Variants in DROSHA observed in about 807,000 individuals in gnomAD.
DROSHA encodes the protein ribonuclease 3.
DROSHA carries 56 observed loss-of-function variants against 181.9 expected under a neutral mutation model. The ratio of observed to expected loss-of-function variants is 0.31; its 90% CI spans 0.25 to 0.38. DROSHA has a LOEUF of 0.38. Ranked by LOEUF, DROSHA falls within the 10% of genes least tolerant of loss-of-function variation. The pLI is 1.00. For synonymous variants in DROSHA, 524 were observed against 591.2 expected (o/e 0.89, Z 1.65); for missense variants, 1,218 against 1,743.5 (o/e 0.70, Z 5.37).
chr5:31,423,232 C>T (rs16901125), intron 28 of DROSHA: 5,173 of 191,290 alleles, frequency 0.027, 133 homozygotes, highest in African/African-American at 0.075. Flanking sequence ...CAAGGAGATT[C>T]GAGCTGAAGA....
intron 8 of DROSHA, among the ~76,000 whole-genome samples, chr5:31,513,231 C>T (rs1332761521): frequency 6.6e-6 from 1 of 152,166 alleles, no homozygotes; most frequent in African/African-American, 2.4e-5. Flanking sequence ...TGTGTAAGGA[C>T]CTGAGGCCTG....
At chr5:31,412,483 T>G (rs1488431125) in intron 30 of DROSHA, among the ~76,000 whole-genome samples, 2 of 152,234 alleles carry the variant, frequency 1.3e-5, no homozygotes, top group Non-Finnish European at 2.9e-5. Flanking sequence ...ACAGAGCTTA[T>G]GAAAATCAAG....
intron 35 of DROSHA, among the ~76,000 whole-genome samples, 187 bp from the exon 36 acceptor site, chr5:31,401,749 T>C (rs1270888160): frequency 1.3e-5 from 2 of 152,136 alleles, no homozygotes; most frequent in African/African-American, 2.4e-5. Flanking sequence ...AAAAACATAA[T>C]GGAAGTCTGG....
In DROSHA at chr5:31,505,448, G is replaced by C. The variant is rs186101568; in HGVS notation, c.1588-813C>G. Reference sequence around the variant, plus strand: ...CAGCATGCATGAGAAAAGGAGAGAAGGCAGAAGGTCCACATCATGCTCTGG... The same window carrying C: ...CAGCATGCATGAGAAAAGGAGAGAACGCAGAAGGTCCACATCATGCTCTGG... On this transcript the variant is annotated intron_variant, in intron 10 of 35. Coordinates refer to ENST00000344624, the MANE Select transcript of DROSHA (RefSeq NM_001382508.1). Among the ~76,000 whole-genome samples, 67 of 152,234 alleles carry C rather than the reference G, an allele frequency of 4.4e-4. 1 individual carries two copies. The highest frequency in any genetic ancestry group is 8.5e-4 in the Non-Finnish European group (58 of 68,010).
intron 27 of DROSHA, among the ~76,000 whole-genome samples, chr5:31,426,561 G>A (rs1248593406): frequency 6.6e-6 from 1 of 152,130 alleles, no homozygotes; most frequent in Admixed American, 6.6e-5. Flanking sequence ...GATGTGTCCT[G>A]AGAATATGAA....
chr5:31,456,081 G>C (rs1747623345), intron 20 of DROSHA, among the ~76,000 whole-genome samples: 1 of 152,172 alleles, frequency 6.6e-6, no homozygotes, highest in Admixed American at 6.5e-5. Flanking sequence ...CAGGCAAACT[G>C]TGAGGAACAT....
At chr5:31,519,079 C>G (rs1739583620) in intron 6 of DROSHA, among the ~76,000 whole-genome samples, 1 of 152,198 alleles carries the variant, frequency 6.6e-6, no homozygotes, top group African/African-American at 2.4e-5. Flanking sequence ...ACAGTGCAAA[C>G]TGGTAAATTT....
rs796676963 is a variant in DROSHA at position 31,419,143 on chromosome 5, C to T, written c.3525+2129G>A. ...GTAAGAGGAAACCCAGGAAAGTGCACCGTGACAGAAGCCAACAAAGCTTGT... is the reference window on the plus strand; with the variant it reads ...GTAAGAGGAAACCCAGGAAAGTGCATCGTGACAGAAGCCAACAAAGCTTGT... On this transcript the variant is annotated intron_variant, in intron 30 of 35. Coordinates refer to ENST00000344624, the MANE Select transcript of DROSHA (RefSeq NM_001382508.1). Among the ~76,000 whole-genome samples, 7 of 152,176 alleles carry T rather than the reference C, an allele frequency of 4.6e-5. No homozygotes were observed. The South Asian group carries it at 1.0e-3, about 23-fold the overall frequency.
At chr5:31,497,260 T>C (rs1181801881) in intron 11 of DROSHA, among the ~76,000 whole-genome samples, 1 of 152,198 alleles carries the variant, frequency 6.6e-6, no homozygotes, top group African/African-American at 2.4e-5. Context: ...GGGGATCATC[T>C]TCTAATTCCC....
At position 31,521,629 on chromosome 5, in the gene DROSHA, T is replaced by C. The variant is rs73747443; in HGVS notation, c.855-414A>G. Among the ~76,000 whole-genome samples the C allele has an allele frequency of 1.2e-3, 188 of 152,270 alleles. 1 individual carries two copies. The highest frequency in any genetic ancestry group is 0.01 in the Middle Eastern group (3 of 294). The stretch of plus-strand genomic sequence containing the variant: ...AATGTAAATTATAAAGCTTTTATAG[T>C]GAAAATTAGGACAAGGTTCTATAAT... On this transcript the variant is annotated intron_variant, in intron 5 of 35. Coordinates refer to ENST00000344624, the MANE Select transcript of DROSHA (RefSeq NM_001382508.1).
chr5:31,457,734 T>A (rs1412167525), intron 20 of DROSHA, among the ~76,000 whole-genome samples: 1 of 151,584 alleles, frequency 6.6e-6, no homozygotes, highest in Non-Finnish European at 1.5e-5. Context: ...TACAAAAAAT[T>A]GAAAAATTAG....
chr5:31,493,179 GA>G, intron 13 of DROSHA, 27 bp downstream of exon 13: 1 of 1,589,418 alleles, frequency 6.3e-7, no homozygotes, highest in Non-Finnish European at 8.6e-7. Flanking sequence ...CAAGGAAAGA[GA>G]AAAGCAGCCA....
chr5:31,507,446 G>A (rs1580336136), intron 10 of DROSHA, among the ~76,000 whole-genome samples: 1 of 133,490 alleles, frequency 7.5e-6, no homozygotes. Flanking sequence ...CAATAAGAGC[G>A]AAACTCTGTC....
At chr5:31,445,075 C>T (rs1428662665) in intron 23 of DROSHA, among the ~76,000 whole-genome samples, 1 of 152,210 alleles carries the variant, frequency 6.6e-6, no homozygotes, top group African/African-American at 2.4e-5. Flanking sequence ...CAACTCTGCC[C>T]ACCTTTAATC....
intron 22 of DROSHA, 45 bp from the exon 23 acceptor site, chr5:31,448,652 G>C (rs771125233): frequency 6.9e-7 from 1 of 1,440,094 alleles, no homozygotes; most frequent in East Asian, 2.3e-5. Flanking sequence ...ACGGATAGAA[G>C]AATTATAGGA....
At chr5:31,450,621 T>G (rs1746864370) in intron 21 of DROSHA, among the ~76,000 whole-genome samples, 1 of 152,074 alleles carries the variant, frequency 6.6e-6, no homozygotes, top group Non-Finnish European at 1.5e-5. Flanking sequence ...AAGTGGAAGC[T>G]AAGCTATGGG....
chr5:31,425,884 T>C (rs1209897316), intron 27 of DROSHA, among the ~76,000 whole-genome samples: 1 of 152,092 alleles, frequency 6.6e-6, no homozygotes, highest in Non-Finnish European at 1.5e-5. Context: ...TAGGACCTAC[T>C]CAAGCTGTTC....
At chr5:31,464,157 A>C (rs1748748981) in intron 20 of DROSHA, 79 bp downstream of exon 20, 4 of 1,202,352 alleles carry the variant, frequency 3.3e-6, no homozygotes, top group Non-Finnish European at 4.8e-6. Context: ...AACATTCTCA[A>C]TTAAGAAACC....
rs1743584532 is a variant in DROSHA, at chr5:31,427,251, C to T, written c.3216+2224G>A. Among the ~76,000 whole-genome samples the T allele has an allele frequency of 2.0e-5, 3 of 152,122 alleles. No homozygotes were observed. The South Asian group carries it at 6.2e-4, about 32-fold the overall frequency. ...TGGAAAGCAGGGGCATAGGAAAAAT[C>T]ACATTAACACCACTCTAGCTTTCTA... is the stretch of plus-strand genomic sequence containing the variant. On this transcript the variant is annotated intron_variant, in intron 27 of 35. Transcript: ENST00000344624.
Sources: gnomAD v4.1 joint callset for allele counts (sites outside exome capture counted in the v4.1 genomes callset) on GRCh38, gnomAD v4.1.1 for gene constraint, MANE v1.5 for transcripts, NCBI Gene and HGNC (gene_info 2026-07-23, HGNC 2026-07-21) for gene names.